MAST3: variants seen among roughly 807,000 people sequenced by gnomAD.
The protein encoded by MAST3 is microtubule-associated serine/threonine-protein kinase 3.
MAST3 carries 43 observed loss-of-function variants against 127.0 expected under a neutral mutation model. That is an observed-to-expected ratio of 0.34 (90% CI 0.27 to 0.44). The LOEUF is 0.44. MAST3 is among the 20% of genes least tolerant of loss of function. MAST3 has a pLI of 1.00. For missense variants in MAST3, 1,390 were observed against 1,919.1 expected (o/e 0.72, Z 5.15); for synonymous variants, 785 against 809.2 (o/e 0.97, Z 0.51).
In MAST3 at chr19:18,112,524, G is replaced by A. The variant is rs2038756256; in HGVS notation, c.161+1783G>A. Among the ~76,000 whole-genome samples, 1 of 152,120 alleles carries A rather than the reference G, an allele frequency of 6.6e-6. No individual in the cohort carries two copies. On this transcript the variant is annotated intron_variant, in intron 3 of 27. Transcript: ENST00000687212. The surrounding 1 kb of genome is among the most constrained non-coding windows in gnomAD (Gnocchi z 4.1). ...TAATTTTTGTATTTTCAGTAAAGATGGGGTTTCACCATGTTAGCTAGGCTG... is the reference window on the plus strand; with the variant it reads ...TAATTTTTGTATTTTCAGTAAAGATAGGGTTTCACCATGTTAGCTAGGCTG...
In MAST3 at chr19:18,144,348, A is replaced by G. The variant is rs1166471772; in HGVS notation, c.2585-118A>G. 7.8e-6 allele frequency: 7 copies of G among 896,548 alleles called. No individual in the cohort carries two copies. The Admixed American group carries it at 1.3e-4, about 16-fold the overall frequency. 55.5% of individuals were successfully genotyped at this position (896,548 alleles called of 1,614,324 possible). On this transcript the variant is annotated intron_variant, in intron 22 of 27. Coordinates refer to ENST00000687212, the MANE Select transcript of MAST3 (RefSeq NM_001393504.1). The surrounding 1 kb of genome is among the most constrained non-coding windows in gnomAD (Gnocchi z 4.0). ...GAGTGCAGGAAGAGGGAACTGCATG[A>G]GCAAAGGCCAGGAGGCTGGACTGTG...
At chr19:18,097,888 C>T in intron 1 of MAST3, 57 bp downstream of exon 1, 1 of 1,196,358 alleles carries the variant, frequency 8.4e-7, no homozygotes, top group Non-Finnish European at 1.0e-6. Context: ...TGGACGCGGC[C>T]TGAAAGGTGC....
chr19:18,112,656 A>G lies in MAST3; in HGVS notation c.161+1915A>G, dbSNP rs879431162. ...GGCCTAATGTTTGTATTTTTAGTAG[A>G]GGTGGGGTTTCATTATGTTGGCCAG... On this transcript the variant is annotated intron_variant, in intron 3 of 27. Transcript: ENST00000687212. The surrounding 1 kb of genome is among the most constrained non-coding windows in gnomAD (Gnocchi z 4.1). 2.0e-5 allele frequency among the ~76,000 whole-genome samples: 3 copies of G among 152,074 alleles called. No individual in the cohort carries two copies. The highest frequency in any genetic ancestry group is 7.2e-5 in the African/African-American group (3 of 41,386).
At chr19:18,120,712 TTTTTG>T (rs367916119) in intron 3 of MAST3, among the ~76,000 whole-genome samples, 4 of 151,782 alleles carry the variant, frequency 2.6e-5, no homozygotes, top group East Asian at 1.9e-4. Context: ...ATTTTTGGTT[TTTTTG>T]TTTTGTTTTG....
intron 3 of MAST3, among the ~76,000 whole-genome samples, chr19:18,114,192 C>CTTTT (rs59829048): frequency 7.1e-6 from 1 of 141,134 alleles, no homozygotes; most frequent in Admixed American, 7.1e-5. Context: ...TTTTCTTTTT[C>CTTTT]TTTTTTTTTT....
At chr19:18,124,526 G>C in intron 10 of MAST3, 116 bp from the exon 11 acceptor site, 1 of 1,407,676 alleles carries the variant, frequency 7.1e-7, no homozygotes, top group Non-Finnish European at 9.7e-7. Flanking sequence ...AGGAGGCAGC[G>C]GGAGTGGAGA....
In MAST3 at chr19:18,149,899, C is replaced by CAG. The variant is rs59523925; in HGVS notation, c.*173_*174insAG. 0.95 allele frequency: 833,675 copies of CAG among 877,302 alleles called. 396,571 individuals are homozygous for CAG. Among genetic ancestry groups the CAG allele is most frequent in the African/African-American group, 0.98 (56,342 of 57,248 alleles). The allele number at this position is 877,302 out of a possible 1,614,324, so 54.3% of individuals were successfully genotyped here. On this transcript the variant is annotated 3_prime_UTR_variant, in exon 28 of 28. Coordinates refer to ENST00000687212, the MANE Select transcript of MAST3 (RefSeq NM_001393504.1). This position sits in a 1 kb window ranked among gnomAD's most constrained non-coding sequence, Gnocchi z 5.9. ...ACATCGCTTGTGTTCTGGTGTCAAT[C>CAG]GGGGCTGGATGGGGCAAGAATGGGG...
At chr19:18,119,746 A>C (rs1255843588) in intron 3 of MAST3, among the ~76,000 whole-genome samples, 1 of 152,222 alleles carries the variant, frequency 6.6e-6, no homozygotes, top group Non-Finnish European at 1.5e-5. Flanking sequence ...AGGGGCAGCC[A>C]CATGTGGAGA....
intron 15 of MAST3, among the ~76,000 whole-genome samples, chr19:18,133,375 C>CTTTA (rs936998054): frequency 1.3e-4 from 20 of 152,016 alleles, no homozygotes; most frequent in Admixed American, 8.5e-4. Flanking sequence ...AACACTTTAT[C>CTTTA]TTTATTTATT....
At position 18,097,828 on chromosome 19, in the gene MAST3, C is replaced by G. The variant is rs930003395; in HGVS notation, c.36C>G (p.Leu12=). Reference sequence around the variant, plus strand: ...CGAGCCTCCTGCGGCGCCGCGGGCTCCAGGTGAGGCCCCTGCGCGGGCGGG... The same window carrying G: ...CGAGCCTCCTGCGGCGCCGCGGGCTGCAGGTGAGGCCCCTGCGCGGGCGGG... ...DESSLLRRRG[L]QKELSLPRRG... is the part of the protein sequence containing the mutation. The change falls in exon 1 of 28, where the codon CTC becomes CTG. Residue 12 remains leucine (L), a synonymous_variant. Transcript: ENST00000687212. The G allele has an allele frequency of 2.4e-6, 3 of 1,227,940 alleles. No homozygotes were observed. In the South Asian group the frequency reaches 1.2e-4, roughly 50 times the overall value. 76.1% of individuals were successfully genotyped at this position (1,227,940 alleles called of 1,614,324 possible).
chr19:18,101,530 G>A (rs965664814), intron 1 of MAST3, among the ~76,000 whole-genome samples: 3 of 152,112 alleles, frequency 2.0e-5, no homozygotes, highest in African/African-American at 7.2e-5. Flanking sequence ...TGCTGGGCAT[G>A]GACTGGTGTT....
rs184165835 is a variant in MAST3 at position 18,103,053 on chromosome 19, A to G, written c.40-4534A>G. Among the ~76,000 whole-genome samples the G allele has an allele frequency of 5.3e-5, 8 of 151,276 alleles. No individual in the cohort carries two copies. The East Asian group carries it at 1.6e-3, about 29-fold the overall frequency. The stretch of plus-strand genomic sequence containing the variant: ...GTTTCAGGGGGTCGGGGCCTCCCCA[A>G]CCTCCACTCCTCTGGGTGGGAACCA... On this transcript the variant is annotated intron_variant, in intron 1 of 27. Coordinates refer to ENST00000687212, the MANE Select transcript of MAST3 (RefSeq NM_001393504.1).
chr19:18,143,043 C>T (rs524671), intron 21 of MAST3, among the ~76,000 whole-genome samples: 141,813 of 150,956 alleles, frequency 0.94, 66,630 homozygotes, highest in East Asian at 0.96. Flanking sequence ...CCCTGGGAGG[C>T]GGAGGTTACA....
At chr19:18,142,122 G>T (rs1209271793) in intron 21 of MAST3, 107 bp downstream of exon 21, 3 of 1,210,674 alleles carry the variant, frequency 2.5e-6, no homozygotes, top group Non-Finnish European at 2.1e-6. Context: ...AGTAGAAAAG[G>T]GTCAAACATA....
At chr19:18,108,982 A>T (rs6512246) in intron 2 of MAST3, among the ~76,000 whole-genome samples, 6,485 of 152,250 alleles carry the variant, frequency 0.043, 457 homozygotes, top group African/African-American at 0.15. Flanking sequence ...AACCAGAGAA[A>T]GAGACAGAGG....
At chr19:18,119,316 C>T (rs1433859446) in intron 3 of MAST3, among the ~76,000 whole-genome samples, 1 of 152,028 alleles carries the variant, frequency 6.6e-6, no homozygotes, top group Non-Finnish European at 1.5e-5. Flanking sequence ...AGGGAGGGTG[C>T]TGGTGGTGCA....
intron 11 of MAST3, among the ~76,000 whole-genome samples, chr19:18,127,570 G>A (rs1243599253): frequency 1.3e-5 from 2 of 152,144 alleles, no homozygotes; most frequent in Non-Finnish European, 1.5e-5. Context: ...TGTAATCCCA[G>A]CCACTCGGGA....
rs1220555141 is a variant in MAST3 at position 18,110,604 on chromosome 19, C to T, written c.72-48C>T. 8.5e-6 allele frequency: 8 copies of T among 944,752 alleles called. No homozygotes were observed. Among genetic ancestry groups the T allele is most frequent in the East Asian group, 2.3e-4 (2 of 8,606 alleles). The allele number at this position is 944,752 out of a possible 1,614,324, so 58.5% of individuals were successfully genotyped here. A position where few individuals can be genotyped will look rare whatever the true frequency, so the allele number is the denominator to read the frequency against. On this transcript the variant is annotated intron_variant, in intron 2 of 27. Transcript: ENST00000687212. The surrounding 1 kb of genome is among the most constrained non-coding windows in gnomAD (Gnocchi z 4.3). ...ATCCGGAGATCCGGATTCGGCCACA[C>T]GAAGGGGCGGCCGCCAGGTTCACCG...
chr19:18,122,739 C>T lies in MAST3; in HGVS notation c.387C>T (p.Ser129=). 1.2e-6 allele frequency: 2 copies of T among 1,613,378 alleles called. No homozygotes were observed. Among genetic ancestry groups the T allele is most frequent in the Non-Finnish European group, 8.5e-7 (1 of 1,179,618 alleles). ...CCGGCTATGGAACCAACACACCCAG[C>T]TCCACCCTCTCGGTACCCATAGCCC... is the stretch of plus-strand genomic sequence containing the variant. ...PSSGYGTNTP[S]STLSSSSSSR... is the part of the protein sequence containing the mutation. Residue 129 remains serine (S), a synonymous_variant, in exon 6 of 28, where the codon AGC becomes AGT. Coordinates refer to ENST00000687212, the MANE Select transcript of MAST3 (RefSeq NM_001393504.1).
Sources: gnomAD v4.1 joint callset for allele counts (sites outside exome capture counted in the v4.1 genomes callset) on GRCh38, gnomAD v4.1.1 for gene constraint, Gnocchi (gnomAD v3.1) non-coding constraint, MANE v1.5 for transcripts, NCBI Gene and HGNC (gene_info 2026-07-23, HGNC 2026-07-21) for gene names.